AADACL2: variants seen among roughly 807,000 people sequenced by gnomAD.
AADACL2 encodes the protein arylacetamide deacetylase like 2, also known as arylacetamide deacetylase-like 2.
Under a neutral mutation model 22.3 loss-of-function variants are expected in AADACL2, and 23 were observed. That is an observed-to-expected ratio of 1.03 (90% confidence interval 0.74 to 1.46). The LOEUF (loss-of-function observed/expected upper bound fraction) is 1.46. Ranked by LOEUF, AADACL2 falls within the 40% of genes most tolerant of loss-of-function variation. AADACL2 has a pLI of 0.00. For synonymous variants in AADACL2, 177 were observed against 166.2 expected, an observed-to-expected ratio of 1.07 and a Z score of -0.50; for missense variants, 472 against 482.9, an observed-to-expected ratio of 0.98 and a Z score of 0.21.
In AADACL2 at chr3:151,757,405, A is replaced by G. The variant is rs779563602; in HGVS notation, c.1017A>G (p.Gln339=). Reference sequence around the variant, plus strand: ...CACTAACCTATATTCTTACTTGTCAACATGATCTCTTAAGAGATGATGGAC... The same window carrying G: ...CACTAACCTATATTCTTACTTGTCAGCATGATCTCTTAAGAGATGATGGAC... ...NLPLTYILTC[Q]HDLLRDDGLM... Residue 339 remains glutamine, a synonymous_variant, in exon 5 of 5, where the codon CAA becomes CAG. Coordinates refer to ENST00000356517, the MANE Select transcript of AADACL2 (RefSeq NM_207365.4). 6.2e-7 allele frequency: 1 copy of G among 1,613,792 alleles called. No homozygotes were observed. The highest frequency in any genetic ancestry group is 8.5e-7 in the Non-Finnish European group (1 of 1,179,718).
chr3:151,742,994 C>T (rs1467333656), intron 2 of AADACL2, among the ~76,000 whole-genome samples: 1 of 151,908 alleles, frequency 6.6e-6, no homozygotes, highest in Non-Finnish European at 1.5e-5. Context: ...TCTCCCTAAT[C>T]TGCAGATTTT....
chr3:151,741,915 A>T (rs934973353), intron 2 of AADACL2, among the ~76,000 whole-genome samples: 27 of 152,146 alleles, frequency 1.8e-4, no homozygotes, highest in African/African-American at 6.3e-4. Flanking sequence ...TGTGAGAATT[A>T]TTATTCAGGA....
chr3:151,742,038 T>C (rs897947137), intron 2 of AADACL2, among the ~76,000 whole-genome samples: 1 of 152,174 alleles, frequency 6.6e-6, no homozygotes, highest in African/African-American at 2.4e-5. Context: ...GTGAATACAC[T>C]GGAAAAGACT....
intron 4 of AADACL2, among the ~76,000 whole-genome samples, chr3:151,746,193 T>A (rs1257117181): frequency 1.3e-5 from 2 of 152,064 alleles, no homozygotes; most frequent in African/African-American, 4.8e-5. Flanking sequence ...AGGTATTTTT[T>A]AAAATTTTTA....
chr3:151,745,469 C>CAGAT, intron 3 of AADACL2, 40 bp from the exon 4 acceptor site: 1 of 1,572,586 alleles, frequency 6.4e-7, no homozygotes, highest in East Asian at 2.3e-5. Flanking sequence ...ATTAGATGGA[C>CAGAT]AGATACAACC....
At chr3:151,741,749 T>C (rs1194190085) in intron 2 of AADACL2, among the ~76,000 whole-genome samples, 2 of 152,150 alleles carry the variant, frequency 1.3e-5, no homozygotes, top group Non-Finnish European at 2.9e-5. Flanking sequence ...AGTGTTCATA[T>C]ACATATTACC....
intron 1 of AADACL2, among the ~76,000 whole-genome samples, chr3:151,736,462 T>C (rs1176135717): frequency 1.3e-5 from 2 of 152,114 alleles, no homozygotes; most frequent in East Asian, 1.9e-4. Context: ...GTCCTAAGGC[T>C]CTCACTCCCC....
intron 1 of AADACL2, among the ~76,000 whole-genome samples, chr3:151,735,359 T>C (rs2107979195): frequency 6.6e-6 from 1 of 152,314 alleles, no homozygotes; most frequent in East Asian, 1.9e-4. Context: ...TTTCTCAATG[T>C]CTATCAGCTA....
chr3:151,756,398 G>A (rs1254363369), intron 4 of AADACL2, among the ~76,000 whole-genome samples: 2 of 151,828 alleles, frequency 1.3e-5, no homozygotes, highest in East Asian at 3.9e-4. Flanking sequence ...CTGTTGATTG[G>A]CCTTTTTTTT....
intron 4 of AADACL2, among the ~76,000 whole-genome samples, chr3:151,747,943 T>C (rs1172517735): frequency 6.6e-6 from 1 of 152,162 alleles, no homozygotes; most frequent in Non-Finnish European, 1.5e-5. Flanking sequence ...TCAGTTCTAT[T>C]TCCCATTTTT....
intron 4 of AADACL2, among the ~76,000 whole-genome samples, chr3:151,752,057 C>CTT (rs1489385101): frequency 4.6e-5 from 7 of 152,110 alleles, no homozygotes; most frequent in African/African-American, 1.7e-4. Flanking sequence ...TGTGATTATA[C>CTT]TTTAAGTTAT....
chr3:151,739,793 C>T (rs1170658759), intron 1 of AADACL2, among the ~76,000 whole-genome samples: 3 of 152,144 alleles, frequency 2.0e-5, no homozygotes, highest in African/African-American at 4.8e-5. Flanking sequence ...CCAAACCTCC[C>T]GGCCTCCTTA....
intron 2 of AADACL2, 47 bp downstream of exon 2, chr3:151,740,915 G>T (rs2107982274): frequency 6.6e-7 from 1 of 1,510,964 alleles, no homozygotes; most frequent in Non-Finnish European, 9.1e-7. Context: ...CTACATTTTT[G>T]ATATAAGAAC....
chr3:151,756,364 C>T (rs748774987), intron 4 of AADACL2, among the ~76,000 whole-genome samples: 3 of 152,066 alleles, frequency 2.0e-5, no homozygotes, highest in Admixed American at 2.0e-4. Flanking sequence ...GTTTCTCCAA[C>T]ACTGCATCAT....
chr3:151,750,508 T>G (rs1276616596), intron 4 of AADACL2, among the ~76,000 whole-genome samples: 1 of 152,054 alleles, frequency 6.6e-6, no homozygotes, highest in Non-Finnish European at 1.5e-5. Context: ...GAGTGCTGGT[T>G]TTTTCCTGAT....
chr3:151,737,883 A>C (rs1713147757), intron 1 of AADACL2, among the ~76,000 whole-genome samples: 1 of 152,092 alleles, frequency 6.6e-6, no homozygotes, highest in South Asian at 2.1e-4. Flanking sequence ...AATACAGCAC[A>C]CTGATGAGTC....
Position 151,760,284 on chromosome 3 carries a change from T to C in AADACL2, c.*2690T>C, listed in dbSNP as rs1714097746. On this transcript the variant is annotated 3_prime_UTR_variant, in exon 5 of 5. Transcript: ENST00000356517. ...CGTTTTCAGTCTCTTTGTAGCTATG[T>C]TATCCAGACATTGATTTGTATTTAC... 1.3e-5 allele frequency: 2 copies of C among 152,294 alleles called. No homozygotes were observed. The highest frequency in any genetic ancestry group is 1.9e-4 in the East Asian group (1 of 5,182). The allele number at this position is 152,294 out of a possible 1,614,324, so 9.4% of individuals were successfully genotyped here.
intron 1 of AADACL2, among the ~76,000 whole-genome samples, chr3:151,734,743 C>T (rs1300343044): frequency 1.3e-5 from 2 of 152,092 alleles, no homozygotes; most frequent in African/African-American, 4.8e-5. Flanking sequence ...TTTTTGAGTT[C>T]TTAAGTTGTA....
intron 4 of AADACL2, among the ~76,000 whole-genome samples, chr3:151,755,862 G>C (rs1713879303): frequency 6.6e-6 from 1 of 152,070 alleles, no homozygotes; most frequent in Non-Finnish European, 1.5e-5. Flanking sequence ...AGCAATCTTT[G>C]ATTAGTAAAT....
Sources: gnomAD v4.1 joint callset for allele counts (sites outside exome capture counted in the v4.1 genomes callset) on GRCh38, gnomAD v4.1.1 for gene constraint, MANE v1.5 for transcripts, NCBI Gene and HGNC (gene_info 2026-07-23, HGNC 2026-07-21) for gene names.